Variants in FBN3 observed in about 807,000 individuals in gnomAD.
FBN3 encodes the protein fibrillin 3, also known as fibrillin-3.
In FBN3, 234 loss-of-function variants were observed where a neutral mutation model predicts 330.1. The ratio of observed to expected loss-of-function variants is 0.71; its 90% CI spans 0.64 to 0.79. FBN3 has a LOEUF of 0.79. Ranked by LOEUF, FBN3 falls within the 30% of genes least tolerant of loss-of-function variation. FBN3 has a pLI of 0.00. For synonymous variants in FBN3, 1,458 were observed against 1,517.3 expected (o/e 0.96, Z 0.91); for missense variants, 3,606 against 3,886.9 (o/e 0.93, Z 1.92).
At position 8,111,720 on chromosome 19, in the gene FBN3, A is replaced by G. The variant is rs1476366047; in HGVS notation, c.4012T>C (p.Cys1338Arg). The change falls in exon 32 of 64, where the codon TGT becomes CGT. Residue 1338 changes from cysteine (C) to arginine (R), a missense_variant. Physicochemically the swap from Cys to Arg is radical, Grantham distance 180. Coordinates refer to ENST00000600128, the MANE Select transcript of FBN3 (RefSeq NM_032447.5). The stretch of plus-strand genomic sequence containing the variant: ...CGGTAGGAGCCAGGGACATTGAGAC[A>G]GTCACCTCTTGGGCTGCACCGGTGC... ...QEHRCSPRGD[C>R]LNVPGSYRCT... is the part of the protein sequence containing the mutation. 4 of 1,611,084 alleles carry G rather than the reference A, an allele frequency of 2.5e-6. No homozygotes were observed. The South Asian group carries it at 4.4e-5, about 18-fold the overall frequency.
At chr19:8,095,849 A>G (rs2082196924) in intron 45 of FBN3, 115 bp downstream of exon 45, 1 of 663,572 alleles carries the variant, frequency 1.5e-6, no homozygotes, top group South Asian at 1.8e-5. Context: ...TATGTTATTT[A>G]ATTTCTAAAT....
intron 26 of FBN3, 137 bp from the exon 27 acceptor site, chr19:8,117,726 G>T: frequency 1.0e-6 from 1 of 1,001,598 alleles, no homozygotes; most frequent in Non-Finnish European, 1.4e-6. Context: ...GTGCCTATCC[G>T]TACACTTGCA....
intron 22 of FBN3, among the ~76,000 whole-genome samples, chr19:8,125,690 C>T (rs1485533300): frequency 6.6e-6 from 1 of 151,092 alleles, no homozygotes; most frequent in Non-Finnish European, 1.5e-5. Flanking sequence ...ACTCAGGAGG[C>T]TGAGGCAGGA....
chr19:8,142,917 T>A (rs1339589269), intron 6 of FBN3, among the ~76,000 whole-genome samples: 1 of 141,340 alleles, frequency 7.1e-6, no homozygotes, highest in East Asian at 2.3e-4. Context: ...AACAAGCCCA[T>A]GTTCTAATTC....
At chr19:8,104,929 T>TTCTTTCTCTC (rs58562541) in intron 38 of FBN3, among the ~76,000 whole-genome samples, 2 of 151,562 alleles carry the variant, frequency 1.3e-5, no homozygotes, top group African/African-American at 4.9e-5. Flanking sequence ...TTTCTTCTCT[T>TTCTTTCTCTC]TCTTTCTCTC....
At chr19:8,126,391 A>G (rs1453329428) in intron 20 of FBN3, 44 bp from the exon 21 acceptor site, 3 of 1,578,740 alleles carry the variant, frequency 1.9e-6, no homozygotes, top group Middle Eastern at 1.7e-4. Context: ...TCATTTTCTC[A>G]TGCCAGCCCA....
intron 63 of FBN3, among the ~76,000 whole-genome samples, chr19:8,070,724 G>A (rs1462352275): frequency 6.6e-6 from 1 of 152,146 alleles, no homozygotes; most frequent in African/African-American, 2.4e-5. Context: ...GTAAAATAGG[G>A]ATAATAGTGG....
intron 37 of FBN3, among the ~76,000 whole-genome samples, chr19:8,107,558 AGGATGGAT>A (rs542932788): frequency 6.2e-5 from 9 of 144,882 alleles, no homozygotes; most frequent in Non-Finnish European, 1.4e-4. Context: ...GTCGGGTGGA[AGGATGGAT>A]GGATGGATGG....
intron 63 of FBN3, among the ~76,000 whole-genome samples, chr19:8,068,064 C>CA (rs1175326536): frequency 3.3e-5 from 5 of 150,058 alleles, no homozygotes; most frequent in South Asian, 2.1e-4. Flanking sequence ...CCCTGCTCCC[C>CA]AAAAAAAAGA....
rs1680183090 is a variant in FBN3, at chr19:8,109,878, A to T, written c.4334-125T>A. ...CTCCTGGGCACCAGATTGTGGGACA[A>T]TGTCATGTCCTTCCCTGGGAAGAAA... On this transcript the variant is annotated intron_variant, in intron 34 of 63. Transcript: ENST00000600128. The surrounding 1 kb of genome is among the most constrained non-coding windows in gnomAD (Gnocchi z 5.2). 9.3e-7 allele frequency: 1 copy of T among 1,080,110 alleles called. No individual in the cohort carries two copies. The highest frequency in any genetic ancestry group is 2.8e-5 in the Admixed American group (1 of 35,668). The allele number at this position is 1,080,110 out of a possible 1,614,324, so 66.9% of individuals were successfully genotyped here. A position where few individuals can be genotyped will look rare whatever the true frequency, so the allele number is the denominator to read the frequency against.
At chr19:8,079,790 A>T (rs1391729426) in intron 59 of FBN3, among the ~76,000 whole-genome samples, 3 of 152,008 alleles carry the variant, frequency 2.0e-5, no homozygotes, top group Non-Finnish European at 4.4e-5. Context: ...GGGTTTTGTC[A>T]TGTTGGCCAG....
chr19:8,146,203 A>G lies in FBN3; in HGVS notation c.273T>C (p.Gly91=). 1 of 1,598,776 alleles carries G rather than the reference A, an allele frequency of 6.3e-7. No individual in the cohort carries two copies. The highest frequency in any genetic ancestry group is 8.5e-7 in the Non-Finnish European group (1 of 1,174,134). The change falls in exon 4 of 64, where the codon GGT becomes GGC. Residue 91 remains glycine, a synonymous_variant. Coordinates refer to ENST00000600128, the MANE Select transcript of FBN3 (RefSeq NM_032447.5). The stretch of plus-strand genomic sequence containing the variant: ...GGTTGGGCTGGGAGCAGAAGCCTTC[A>G]CCGCAGGCGCGCCTACAGATGGCTG... ...CVVPICRRAC[G]EGFCSQPNLC...
chr19:8,117,659 G>A, intron 26 of FBN3, 70 bp from the exon 27 acceptor site: 1 of 1,471,800 alleles, frequency 6.8e-7, no homozygotes, highest in East Asian at 2.5e-5. Flanking sequence ...GAGACACACT[G>A]GGGGCACACA....
chr19:8,073,645 C>T (rs548335170), intron 61 of FBN3, among the ~76,000 whole-genome samples: 150 of 152,318 alleles, frequency 9.8e-4, no homozygotes, highest in African/African-American at 3.5e-3. Context: ...GCATCCCTGG[C>T]TTCCACCCGC....
At chr19:8,081,995 G>A (rs946831863) in intron 57 of FBN3, among the ~76,000 whole-genome samples, 12 of 145,164 alleles carry the variant, frequency 8.3e-5, no homozygotes, top group African/African-American at 7.7e-5. Flanking sequence ...ACGGAGTCTC[G>A]TTTCATCACC....
In FBN3 at chr19:8,131,112, G is replaced by T; in HGVS notation, c.2044+123C>A. On this transcript the variant is annotated intron_variant, in intron 16 of 63. Coordinates refer to ENST00000600128, the MANE Select transcript of FBN3 (RefSeq NM_032447.5). The surrounding 1 kb of genome is among the most constrained non-coding windows in gnomAD (Gnocchi z 4.5). ...AGAATCAGCTTCTGTTGTTGAAGCC[G>T]TCTGGTCTGGGGCACTTTGTTACGG... is the stretch of plus-strand genomic sequence containing the variant. The T allele has an allele frequency of 1.2e-6, 1 of 820,258 alleles. No homozygotes were observed. Among genetic ancestry groups the T allele is most frequent in the Non-Finnish European group, 1.9e-6 (1 of 521,552 alleles). 50.8% of individuals were successfully genotyped at this position (820,258 alleles called of 1,614,324 possible). A position where few individuals can be genotyped will look rare whatever the true frequency, so the allele number is the denominator to read the frequency against.
At position 8,112,085 on chromosome 19, in the gene FBN3, C is replaced by T. The variant is rs750701747; in HGVS notation, c.3853G>A (p.Glu1285Lys). Residue 1285 changes from glutamate (E) to lysine (K), a missense_variant, in exon 31 of 64, where the codon GAG becomes AAG. Physicochemically the swap from Glu to Lys is moderately conservative, Grantham distance 56. Transcript: ENST00000600128. Reference sequence around the variant, plus strand: ...CTGTCACAGTTGTGTCCTCCAACCTCGCATTCATCCACATCTAAAGGGAGA... The same window carrying T: ...CTGTCACAGTTGTGTCCTCCAACCTTGCATTCATCCACATCTAAAGGGAGA... Reference protein sequence around the residue: ...ATGCSDVDECEVGGHNCDSHA... With the variant: ...ATGCSDVDECKVGGHNCDSHA... The T allele has an allele frequency of 6.2e-6, 10 of 1,613,438 alleles. No homozygotes were observed. The highest frequency in any genetic ancestry group is 1.7e-5 in the Admixed American group (1 of 59,916).
rs2082913850 is a variant in FBN3, at chr19:8,123,851, G to A, written c.2889C>T (p.Ala963=). ...ACPDPESLEF[A]SLCPRGLGFA... The stretch of plus-strand genomic sequence containing the variant: ...AGCCCAGCCCCCGCGGGCACAGGCT[G>A]GCGAACTCCAGAGACTCGGGATCCG... Residue 963 remains alanine (A), a synonymous_variant, in exon 23 of 64, where the codon GCC becomes GCT. Coordinates refer to ENST00000600128, the MANE Select transcript of FBN3 (RefSeq NM_032447.5). 1.2e-6 allele frequency: 2 copies of A among 1,612,872 alleles called. No homozygotes were observed. The highest frequency in any genetic ancestry group is 2.7e-5 in the African/African-American group (2 of 74,936).
At chr19:8,076,252 G>A (rs991074941) in intron 59 of FBN3, among the ~76,000 whole-genome samples, 22 of 151,108 alleles carry the variant, frequency 1.5e-4, no homozygotes, top group African/African-American at 4.1e-4. Flanking sequence ...GTGTGCGTGT[G>A]TGTGTGTGTG....
Sources: allele counts gnomAD v4.1 joint callset (sites outside exome capture counted in the v4.1 genomes callset), GRCh38; gene constraint gnomAD v4.1.1; non-coding constraint Gnocchi (gnomAD v3.1); transcripts MANE v1.5; gene names NCBI Gene and HGNC (gene_info 2026-07-23, HGNC 2026-07-21).